The following FAM241A variants were observed in gnomAD, a reference collection of about 807,000 sequenced individuals.
The protein encoded by FAM241A is family with sequence similarity 241 member A, also known as uncharacterized protein FAM241A.
FAM241A carries 7 observed loss-of-function variants against 12.2 expected under a neutral mutation model. The ratio of observed to expected loss-of-function variants is 0.58; its 90% CI spans 0.33 to 1.08. FAM241A has a LOEUF of 1.08. FAM241A is among the 50% of genes least tolerant of loss of function. The pLI is 0.04. For missense variants in FAM241A, 161 were observed against 169.7 expected, an observed-to-expected ratio of 0.95 and a Z score of 0.29; for synonymous variants, 74 against 68.2, an observed-to-expected ratio of 1.08 and a Z score of -0.42.
Position 112,176,344 on chromosome 4 carries a change from G to A in FAM241A, c.154-10349G>A, listed in dbSNP as rs186826543. ...TAATAATAATTACCATATATTGAGT[G>A]CTTATTCAAAAAGGTTTTATCTGTT... On this transcript the variant is annotated intron_variant, in intron 1 of 1. Transcript: ENST00000309733. Among the ~76,000 whole-genome samples, 8 of 152,246 alleles carry A rather than the reference G, an allele frequency of 5.3e-5. No individual in the cohort carries two copies. The East Asian group carries it at 1.3e-3, about 26-fold the overall frequency.
chr4:112,176,528 T>C (rs1380587564), intron 1 of FAM241A, among the ~76,000 whole-genome samples: 2 of 152,208 alleles, frequency 1.3e-5, no homozygotes, highest in Non-Finnish European at 2.9e-5. Context: ...CCTTGGTTTT[T>C]TGTTAATGGG....
At chr4:112,154,098 C>G (rs1451368979) in intron 1 of FAM241A, among the ~76,000 whole-genome samples, 1 of 152,090 alleles carries the variant, frequency 6.6e-6, no homozygotes, top group Admixed American at 6.6e-5. Flanking sequence ...TTCCATCAGT[C>G]TGACTGAATT....
At chr4:112,146,464 A>G (rs903390694) in intron 1 of FAM241A, among the ~76,000 whole-genome samples, 3 of 152,250 alleles carry the variant, frequency 2.0e-5, no homozygotes, top group African/African-American at 4.8e-5. Flanking sequence ...ATAACATCAA[A>G]TATCTTAAAG....
intron 1 of FAM241A, among the ~76,000 whole-genome samples, chr4:112,159,129 C>T (rs1024036402): frequency 2.6e-5 from 4 of 152,148 alleles, no homozygotes; most frequent in African/African-American, 9.7e-5. Context: ...GAAGAGCTCA[C>T]TGAGGTAATA....
chr4:112,176,484 G>A (rs919945923), intron 1 of FAM241A, among the ~76,000 whole-genome samples: 2 of 152,206 alleles, frequency 1.3e-5, no homozygotes, highest in African/African-American at 4.8e-5. Flanking sequence ...ACATGACGGA[G>A]CAGGATTTGA....
chr4:112,190,698 C>CAAAAAAAA lies in FAM241A; in HGVS notation c.*3769_*3776dup, dbSNP rs969099285. On this transcript the variant is annotated 3_prime_UTR_variant, in exon 2 of 2. Transcript: ENST00000309733. ...GGGCAACAAGAGCGAAACTCCATCT[C>CAAAAAAAA]AAAAAAAAAAAAAAAAGACTTTCAT... The CAAAAAAAA allele has an allele frequency of 1.1e-5, 1 of 90,476 alleles. No individual in the cohort carries two copies. The allele number at this position is 90,476 out of a possible 1,614,324, so 5.6% of individuals were successfully genotyped here.
intron 1 of FAM241A, among the ~76,000 whole-genome samples, chr4:112,179,472 A>G (rs1401636549): frequency 1.3e-5 from 2 of 151,672 alleles, no homozygotes; most frequent in African/African-American, 4.8e-5. Context: ...AAAACCAAAC[A>G]CCGCATGTTC....
rs1035873006 is a variant in FAM241A, at chr4:112,190,984, G to A, written c.*4046G>A. 2 of 152,168 alleles carry A rather than the reference G, an allele frequency of 1.3e-5. No homozygotes were observed. Among genetic ancestry groups the A allele is most frequent in the Non-Finnish European group, 2.9e-5 (2 of 68,042 alleles). 9.4% of individuals were successfully genotyped at this position (152,168 alleles called of 1,614,324 possible). On this transcript the variant is annotated 3_prime_UTR_variant, in exon 2 of 2. Transcript: ENST00000309733. ...ATTTGCATCTCTAGATCAGAGCACT[G>A]TACAGAATTTAAGACTCCTACATTC...
intron 1 of FAM241A, among the ~76,000 whole-genome samples, chr4:112,159,337 G>T (rs991219623): frequency 2.0e-5 from 3 of 152,080 alleles, no homozygotes; most frequent in African/African-American, 7.2e-5. Flanking sequence ...TATTTTATTT[G>T]CTCCTACTGT....
In FAM241A at chr4:112,194,701, A is replaced by G. The variant is rs904161545; in HGVS notation, c.*7763A>G. The G allele has an allele frequency of 3.3e-5, 5 of 152,184 alleles. No homozygotes were observed. Among genetic ancestry groups the G allele is most frequent in the African/African-American group, 1.2e-4 (5 of 41,442 alleles). The allele number at this position is 152,184 out of a possible 1,614,324, so 9.4% of individuals were successfully genotyped here. On this transcript the variant is annotated 3_prime_UTR_variant, in exon 2 of 2. Coordinates refer to ENST00000309733, the MANE Select transcript of FAM241A (RefSeq NM_152400.3). The stretch of plus-strand genomic sequence containing the variant: ...GCCTTGCATCCCAGGGATGAAGCCC[A>G]CTTGAACATGGTGGATAAGCTTTTT...
At position 112,145,549 on chromosome 4, in the gene FAM241A, G is replaced by T; in HGVS notation, c.-32G>T. ...GTGCGTCGCGGCGTGGTCCTCCGGC[G>T]GCTGTCCGGGGCGGTAGGAGTTGGC... On this transcript the variant is annotated 5_prime_UTR_variant, in exon 1 of 2. Coordinates refer to ENST00000309733, the MANE Select transcript of FAM241A (RefSeq NM_152400.3). 1 of 1,239,558 alleles carries T rather than the reference G, an allele frequency of 8.1e-7. No individual in the cohort carries two copies. The highest frequency in any genetic ancestry group is 3.8e-5 in the Admixed American group (1 of 26,494). 76.8% of individuals were successfully genotyped at this position (1,239,558 alleles called of 1,614,324 possible). A position where few individuals can be genotyped will look rare whatever the true frequency, so the allele number is the denominator to read the frequency against.
intron 1 of FAM241A, among the ~76,000 whole-genome samples, chr4:112,165,327 A>G (rs1175417997): frequency 6.6e-6 from 1 of 152,230 alleles, no homozygotes; most frequent in Non-Finnish European, 1.5e-5. Context: ...TATGACCACT[A>G]TGGAGAGAAC....
intron 1 of FAM241A, among the ~76,000 whole-genome samples, chr4:112,159,470 A>G (rs1184495810): frequency 6.6e-6 from 1 of 152,252 alleles, no homozygotes; most frequent in Non-Finnish European, 1.5e-5. Flanking sequence ...AGACAAAGAC[A>G]CATCAAAGAA....
chr4:112,179,492 G>A (rs1410526854), intron 1 of FAM241A, among the ~76,000 whole-genome samples: 2 of 151,958 alleles, frequency 1.3e-5, no homozygotes, highest in South Asian at 4.1e-4. Context: ...CTCACTCATA[G>A]GTGGGAATTG....
chr4:112,173,328 T>G (rs1723760956), intron 1 of FAM241A, among the ~76,000 whole-genome samples: 1 of 152,254 alleles, frequency 6.6e-6, no homozygotes, highest in African/African-American at 2.4e-5. Flanking sequence ...AGTATTTTAA[T>G]TGTGCTAAAA....
intron 1 of FAM241A, among the ~76,000 whole-genome samples, chr4:112,168,137 A>G (rs377288989): frequency 6.6e-6 from 1 of 152,202 alleles, no homozygotes; most frequent in East Asian, 1.9e-4. Context: ...ATCACCATTC[A>G]CCTAAAGTTA....
In FAM241A at chr4:112,189,264, C is replaced by T. The variant is rs1300130442; in HGVS notation, c.*2326C>T. 1.3e-5 allele frequency: 2 copies of T among 149,436 alleles called. No homozygotes were observed. Among genetic ancestry groups the T allele is most frequent in the Admixed American group, 6.7e-5 (1 of 14,844 alleles). The allele number at this position is 149,436 out of a possible 1,614,324, so 9.3% of individuals were successfully genotyped here. A position where few individuals can be genotyped will look rare whatever the true frequency, so the allele number is the denominator to read the frequency against. ...GCCGGGCCTGGTGGCAGGTGCCTGT[C>T]GTCCCAGCTACTCAGGAGGCTGAGG... On this transcript the variant is annotated 3_prime_UTR_variant, in exon 2 of 2. Coordinates refer to ENST00000309733, the MANE Select transcript of FAM241A (RefSeq NM_152400.3).
rs372133304 is a variant in FAM241A at position 112,189,688 on chromosome 4, A to G, written c.*2750A>G. 6.6e-5 allele frequency: 10 copies of G among 152,312 alleles called. No homozygotes were observed. The South Asian group carries it at 1.0e-3, about 16-fold the overall frequency. 9.4% of individuals were successfully genotyped at this position (152,312 alleles called of 1,614,324 possible). A position where few individuals can be genotyped will look rare whatever the true frequency, so the allele number is the denominator to read the frequency against. The stretch of plus-strand genomic sequence containing the variant: ...TCCCATTCCTGGCTACAGGCAGATC[A>G]TTCCTAGTCCAGTAGTGTGCTGGAG... On this transcript the variant is annotated 3_prime_UTR_variant, in exon 2 of 2. Transcript: ENST00000309733.
chr4:112,185,000 A>C (rs1724011517), intron 1 of FAM241A, among the ~76,000 whole-genome samples: 1 of 152,116 alleles, frequency 6.6e-6, no homozygotes, highest in African/African-American at 2.4e-5. Flanking sequence ...CTCCCTTATA[A>C]GATAATTAAT....
Sources: gnomAD v4.1 joint callset for allele counts (sites outside exome capture counted in the v4.1 genomes callset) on GRCh38, gnomAD v4.1.1 for gene constraint, MANE v1.5 for transcripts, NCBI Gene and HGNC (gene_info 2026-07-23, HGNC 2026-07-21) for gene names.